Variants in LIN54 observed in about 807,000 individuals in gnomAD.
LIN54 encodes the protein protein lin-54 homolog.
A neutral mutation model predicts 78.7 loss-of-function variants in LIN54; 9 were observed. The observed-to-expected ratio is 0.11, with a 90% CI of 0.07 to 0.20. The LOEUF is 0.20. LIN54 is among the 10% of genes least tolerant of loss of function. The pLI is 1.00. For synonymous variants in LIN54, 269 were observed against 318.4 expected (o/e 0.84, Z 1.65); for missense variants, 573 against 889.9 (o/e 0.64, Z 4.53).
chr4:82,997,864 C>T (rs994191965), intron 1 of LIN54, among the ~76,000 whole-genome samples: 8 of 151,100 alleles, frequency 5.3e-5, no homozygotes, highest in Non-Finnish European at 8.9e-5. Flanking sequence ...CATGGTGGTG[C>T]GCTCCTATAA....
intron 4 of LIN54, among the ~76,000 whole-genome samples, chr4:82,954,077 T>C (rs7665970): frequency 0.98 from 149,190 of 152,300 alleles, 73,150 homozygotes; most frequent in East Asian, 1. Context: ...TAACATAAAA[T>C]TAAATGATTT....
At chr4:82,961,151 A>C (rs1462820639) in intron 4 of LIN54, among the ~76,000 whole-genome samples, 1 of 152,210 alleles carries the variant, frequency 6.6e-6, no homozygotes, top group African/African-American at 2.4e-5. Context: ...TTGATGGGCT[A>C]TTTGGAGAGA....
chr4:82,995,258 C>T (rs1345873577), intron 1 of LIN54, among the ~76,000 whole-genome samples: 1 of 151,840 alleles, frequency 6.6e-6, no homozygotes, highest in South Asian at 2.1e-4. Flanking sequence ...TATGATAGTG[C>T]CACTGCACTC....
At chr4:82,967,539 A>T (rs1725304156) in intron 4 of LIN54, among the ~76,000 whole-genome samples, 1 of 152,228 alleles carries the variant, frequency 6.6e-6, no homozygotes, top group Non-Finnish European at 1.5e-5. Context: ...AGACATCTTG[A>T]TGGGACCCTG....
At position 83,010,695 on chromosome 4, in the gene LIN54, C is replaced by T; in HGVS notation, c.-244G>A. 1 of 1,232,072 alleles carries T rather than the reference C, an allele frequency of 8.1e-7. No individual in the cohort carries two copies. The highest frequency in any genetic ancestry group is 1.0e-6 in the Non-Finnish European group (1 of 987,956). The allele number at this position is 1,232,072 out of a possible 1,614,324, so 76.3% of individuals were successfully genotyped here. ...GTGGCGACGTCGCCGTCGCCGCCGC[C>T]TCTGGTATGTCAGGGGCCGGGATTG... On this transcript the variant is annotated 5_prime_UTR_variant, in exon 1 of 13. Coordinates refer to ENST00000340417, the MANE Select transcript of LIN54 (RefSeq NM_194282.4).
Position 82,940,022 on chromosome 4 carries a change from C to A in LIN54, c.1169-60G>T. On this transcript the variant is annotated intron_variant, in intron 5 of 12. Coordinates refer to ENST00000340417, the MANE Select transcript of LIN54 (RefSeq NM_194282.4). ...TTTACAGAAAATAGTATTTAAAACA[C>A]TTAAGAATACTTAGCTCTCCCAAGT... is the stretch of plus-strand genomic sequence containing the variant. 2.7e-6 allele frequency: 3 copies of A among 1,097,392 alleles called. No homozygotes were observed. In the South Asian group the frequency reaches 4.4e-5, roughly 16 times the overall value. The allele number at this position is 1,097,392 out of a possible 1,614,324, so 68.0% of individuals were successfully genotyped here.
At chr4:82,961,849 G>C (rs1724823088) in intron 4 of LIN54, among the ~76,000 whole-genome samples, 2 of 151,984 alleles carry the variant, frequency 1.3e-5, no homozygotes, top group Non-Finnish European at 2.9e-5. Context: ...CCTGCTACTT[G>C]GGAGGCTGAG....
At position 82,927,839 on chromosome 4, in the gene LIN54, A is replaced by T. The variant is rs1222073642; in HGVS notation, c.*263T>A. ...CAAAGGTATCAGAAAGAGAACATCT[A>T]ATTCTTAAGAAACCCAAGCAAATTA... On this transcript the variant is annotated 3_prime_UTR_variant, in exon 13 of 13. Transcript: ENST00000340417. 5.4e-6 allele frequency: 2 copies of T among 370,372 alleles called. No homozygotes were observed. Among genetic ancestry groups the T allele is most frequent in the Non-Finnish European group, 9.6e-6 (2 of 207,480 alleles). The allele number at this position is 370,372 out of a possible 1,614,324, so 22.9% of individuals were successfully genotyped here.
chr4:82,976,850 T>G (rs1726204447), intron 3 of LIN54, among the ~76,000 whole-genome samples: 1 of 152,226 alleles, frequency 6.6e-6, no homozygotes, highest in Non-Finnish European at 1.5e-5. Context: ...TTTTAAAGGT[T>G]ATAAAGAACT....
rs1721332728 is a variant in LIN54, at chr4:82,924,685, C to T, written c.*3417G>A. 1 of 151,694 alleles carries T rather than the reference C, an allele frequency of 6.6e-6. No individual in the cohort carries two copies. Among genetic ancestry groups the T allele is most frequent in the Non-Finnish European group, 1.5e-5 (1 of 67,944 alleles). 9.4% of individuals were successfully genotyped at this position (151,694 alleles called of 1,614,324 possible). A position where few individuals can be genotyped will look rare whatever the true frequency, so the allele number is the denominator to read the frequency against. ...AAATCACATGGATTAAAAAAAAAAG[C>T]TCACCTTTGGTATACAGATAATGAC... On this transcript the variant is annotated 3_prime_UTR_variant, in exon 13 of 13. Transcript: ENST00000340417.
chr4:82,988,748 A>T (rs1290565257), intron 1 of LIN54, among the ~76,000 whole-genome samples: 1 of 152,180 alleles, frequency 6.6e-6, no homozygotes, highest in African/African-American at 2.4e-5. Flanking sequence ...AACTCCAGCC[A>T]TTCTAGCCTA....
At chr4:82,935,259 C>CATAT (rs752988636) in intron 11 of LIN54, among the ~76,000 whole-genome samples, 2 of 145,752 alleles carry the variant, frequency 1.4e-5, no homozygotes, top group African/African-American at 2.5e-5. Context: ...ATTTTGTATC[C>CATAT]ATATATATAT....
intron 4 of LIN54, among the ~76,000 whole-genome samples, chr4:82,963,342 T>C (rs901829916): frequency 6.6e-6 from 1 of 152,132 alleles, no homozygotes; most frequent in Non-Finnish European, 1.5e-5. Flanking sequence ...AGAAACATTT[T>C]AAAAAGTTCT....
At chr4:83,010,281 A>G (rs1402688644) in intron 1 of LIN54, among the ~76,000 whole-genome samples, 1 of 152,242 alleles carries the variant, frequency 6.6e-6, no homozygotes, top group Non-Finnish European at 1.5e-5. Flanking sequence ...AGGCCTCAGC[A>G]GCAGCCTTAG....
chr4:82,934,340 A>G (rs928766359), intron 11 of LIN54, among the ~76,000 whole-genome samples: 3 of 152,244 alleles, frequency 2.0e-5, no homozygotes, highest in African/African-American at 7.2e-5. Context: ...CAGGAGACGG[A>G]TATTACAGTG....
intron 1 of LIN54, among the ~76,000 whole-genome samples, chr4:83,001,299 C>G (rs1728744253): frequency 1.3e-5 from 2 of 152,072 alleles, no homozygotes; most frequent in South Asian, 4.1e-4. Flanking sequence ...TGACTGTAAT[C>G]CCAACACTTT....
intron 2 of LIN54, among the ~76,000 whole-genome samples, chr4:82,982,697 T>C (rs1233132074): frequency 6.6e-6 from 1 of 152,114 alleles, no homozygotes; most frequent in African/African-American, 2.4e-5. Flanking sequence ...AAGTCATAGA[T>C]AAGTGAGAAG....
intron 2 of LIN54, 92 bp from the exon 3 acceptor site, chr4:82,979,098 T>A: frequency 1.1e-6 from 1 of 950,830 alleles, no homozygotes; most frequent in Non-Finnish European, 1.6e-6. Context: ...AAGTAGCACA[T>A]GTAAAACCAG....
chr4:82,984,901 C>G, intron 1 of LIN54, 25 bp from the exon 2 acceptor site: 1 of 1,465,950 alleles, frequency 6.8e-7, no homozygotes, highest in Non-Finnish European at 9.1e-7. Context: ...GAAAAATGAA[C>G]AAGTTACTAG....
Sources: allele counts gnomAD v4.1 joint callset (sites outside exome capture counted in the v4.1 genomes callset), GRCh38; gene constraint gnomAD v4.1.1; transcripts MANE v1.5; gene names NCBI Gene and HGNC (gene_info 2026-07-23, HGNC 2026-07-21).